The following ENKUR variants were observed in gnomAD, a reference collection of about 807,000 sequenced individuals.
ENKUR encodes enkurin.
In ENKUR, 19 loss-of-function variants were observed where a neutral mutation model predicts 27.6. That is an observed-to-expected ratio of 0.69 (90% CI 0.48 to 1.01). ENKUR has a LOEUF of 1.01. Among genes scored for constraint, ENKUR ranks in the 50% least tolerant of loss-of-function variants. The pLI, the probability that ENKUR is intolerant of heterozygous loss-of-function variation, is 0.00. For missense variants in ENKUR, 312 were observed against 310.5 expected (o/e 1.00, Z -0.04); for synonymous variants, 117 against 96.9 (o/e 1.21, Z -1.22).
intron 1 of ENKUR, among the ~76,000 whole-genome samples, chr10:25,004,310 G>A (rs1850262793): frequency 6.6e-6 from 1 of 152,132 alleles, no homozygotes; most frequent in Non-Finnish European, 1.5e-5. Flanking sequence ...GGATTGCTGG[G>A]TTGAATGGTA....
At chr10:25,044,096 G>T (rs1292284243) in intron 2 of ENKUR, among the ~76,000 whole-genome samples, 1 of 152,000 alleles carries the variant, frequency 6.6e-6, no homozygotes, top group Non-Finnish European at 1.5e-5. Context: ...TCTCTTAACT[G>T]TGGGTCACAT....
chr10:25,014,967 T>C (rs1331687620), intron 1 of ENKUR, among the ~76,000 whole-genome samples: 1 of 152,222 alleles, frequency 6.6e-6, no homozygotes, highest in African/African-American at 2.4e-5. Flanking sequence ...AACTTTATTC[T>C]AAAGTTCACA....
At chr10:25,002,366 A>ATTC (rs1321693059) in intron 1 of ENKUR, among the ~76,000 whole-genome samples, 2 of 152,176 alleles carry the variant, frequency 1.3e-5, no homozygotes, top group Non-Finnish European at 2.9e-5. Context: ...TGTGCTGTGA[A>ATTC]TTCTAGCAGC....
chr10:25,061,292 C>T lies in ENKUR; in HGVS notation c.-144G>A, dbSNP rs141753573. On this transcript the variant is annotated 5_prime_UTR_variant, in exon 2 of 6. Coordinates refer to the ENKUR transcript ENST00000615958. ...CAGATATGGAAAATCAACTTTATCC[C>T]AGGCTTTCTTGTGCCGCTCCTCCAG... is the stretch of plus-strand genomic sequence containing the variant. 1,433 of 726,932 alleles carry T rather than the reference C, an allele frequency of 2.0e-3. 12 individuals carry two copies. The highest frequency in any genetic ancestry group is 0.01 in the Middle Eastern group (28 of 2,672). The allele number at this position is 726,932 out of a possible 1,614,324, so 45.0% of individuals were successfully genotyped here.
intron 2 of ENKUR, among the ~76,000 whole-genome samples, chr10:24,998,423 A>G (rs765102793): frequency 1.4e-5 from 2 of 145,542 alleles, no homozygotes; most frequent in East Asian, 2.0e-4. Flanking sequence ...TGTCCAGGCT[A>G]GAAGGCTGTG....
At chr10:25,005,309 A>G (rs1475394624) in intron 1 of ENKUR, among the ~76,000 whole-genome samples, 2 of 152,212 alleles carry the variant, frequency 1.3e-5, no homozygotes, top group Non-Finnish European at 1.5e-5. Flanking sequence ...ACTATATTTT[A>G]CCATACAGTT....
chr10:24,997,617 G>C (rs1281262540), intron 2 of ENKUR, among the ~76,000 whole-genome samples: 1 of 151,830 alleles, frequency 6.6e-6, no homozygotes, highest in African/African-American at 2.4e-5. Flanking sequence ...TCGTACTCCT[G>C]GGCTAAAGCA....
At chr10:25,008,406 T>C (rs1219399235) in intron 1 of ENKUR, among the ~76,000 whole-genome samples, 1 of 151,726 alleles carries the variant, frequency 6.6e-6, no homozygotes, top group Non-Finnish European at 1.5e-5. Flanking sequence ...CACCTAAGAG[T>C]TCCTAATAGT....
intron 3 of ENKUR, 114 bp from the exon 4 acceptor site, chr10:24,990,723 CA>C: frequency 9.4e-7 from 1 of 1,064,330 alleles, no homozygotes; most frequent in Non-Finnish European, 1.3e-6. Context: ...ATCCTTTGTT[CA>C]AAACCCTGTA....
chr10:25,024,693 T>C, intron 2 of ENKUR: 2 of 1,614,250 alleles, frequency 1.2e-6, no homozygotes, highest in Non-Finnish European at 1.7e-6. Flanking sequence ...ATCTTGATCT[T>C]GTTAGTCAAG....
intron 1 of ENKUR, among the ~76,000 whole-genome samples, chr10:25,009,839 T>A (rs1850400366): frequency 6.6e-6 from 1 of 152,192 alleles, no homozygotes; most frequent in Admixed American, 6.5e-5. Flanking sequence ...AGATGTGACT[T>A]TGTTCCTCCT....
upstream of ENKUR, among the ~76,000 whole-genome samples, chr10:25,019,687 C>T (rs1564347483): frequency 6.6e-6 from 1 of 152,198 alleles, no homozygotes; most frequent in Non-Finnish European, 1.5e-5. Context: ...TTTTCTCACT[C>T]TAAAGTCAGT....
intron 2 of ENKUR, among the ~76,000 whole-genome samples, chr10:25,058,485 G>A (rs1851285701): frequency 6.6e-6 from 1 of 152,136 alleles, no homozygotes; most frequent in Non-Finnish European, 1.5e-5. Flanking sequence ...TGGAATTACA[G>A]GCATGAGTCG....
At chr10:24,989,849 A>G (rs893333363) in intron 4 of ENKUR, among the ~76,000 whole-genome samples, 1 of 152,194 alleles carries the variant, frequency 6.6e-6, no homozygotes, top group Non-Finnish European at 1.5e-5. Flanking sequence ...GTGTTTAATT[A>G]AACGCTCATA....
upstream of ENKUR, among the ~76,000 whole-genome samples, chr10:25,016,940 C>G (rs1850601598): frequency 6.6e-6 from 1 of 152,218 alleles, no homozygotes; most frequent in African/African-American, 2.4e-5. Context: ...CGAGGCTCCT[C>G]GGAACGCCGC....
chr10:24,986,819 T>C (rs1849791252), intron 4 of ENKUR, among the ~76,000 whole-genome samples: 1 of 152,230 alleles, frequency 6.6e-6, no homozygotes. Context: ...AGAGGTTTTT[T>C]CATTATTTCA....
intron 2 of ENKUR, among the ~76,000 whole-genome samples, chr10:25,034,020 A>C (rs912986725): frequency 6.6e-6 from 1 of 151,692 alleles, no homozygotes; most frequent in African/African-American, 2.4e-5. Flanking sequence ...AAAAAAGGAA[A>C]ATACCAACAA....
intron 4 of ENKUR, among the ~76,000 whole-genome samples, chr10:24,987,065 C>T (rs1212174483): frequency 6.6e-6 from 1 of 152,180 alleles, no homozygotes; most frequent in African/African-American, 2.4e-5. Flanking sequence ...GCCCTCTGGC[C>T]TGAGTTCAGC....
intron 2 of ENKUR, among the ~76,000 whole-genome samples, chr10:25,041,710 TTA>T (rs1473958415): frequency 6.6e-6 from 1 of 152,228 alleles, no homozygotes; most frequent in Non-Finnish European, 1.5e-5. Flanking sequence ...AGTGATTTTC[TTA>T]TGTCAGTTAT....
Sources: gnomAD v4.1 joint callset for allele counts (sites outside exome capture counted in the v4.1 genomes callset) on GRCh38, gnomAD v4.1.1 for gene constraint, MANE v1.5 for transcripts, NCBI Gene and HGNC (gene_info 2026-07-23, HGNC 2026-07-21) for gene names.